The following NHSL1 variants were observed in gnomAD, a reference collection of about 807,000 sequenced individuals.
NHSL1 encodes the protein NHS like 1.
Under a neutral mutation model 95.0 loss-of-function variants are expected in NHSL1, and 48 were observed. The observed-to-expected ratio is 0.51, with a 90% CI of 0.40 to 0.64. The LOEUF (loss-of-function observed/expected upper bound fraction) is 0.64, where lower values mean the gene tolerates loss of function less well. Ranked by LOEUF, NHSL1 falls within the 30% of genes least tolerant of loss-of-function variation. The pLI is 0.00. For missense variants in NHSL1, 1,971 were observed against 2,077.7 expected (o/e 0.95, Z 1.00); for synonymous variants, 783 against 833.9 (o/e 0.94, Z 1.05).
intron 3 of NHSL1, among the ~76,000 whole-genome samples, chr6:138,465,407 A>C (rs1004175485): frequency 2.0e-5 from 3 of 152,154 alleles, no homozygotes; most frequent in Non-Finnish European, 4.4e-5. Context: ...CTTCCTCATC[A>C]TTCACACAAC....
chr6:138,551,733 G>A (rs1783010567), intron 1 of NHSL1, among the ~76,000 whole-genome samples: 1 of 152,086 alleles, frequency 6.6e-6, no homozygotes, highest in Non-Finnish European at 1.5e-5. Flanking sequence ...GGCTCACCAG[G>A]GAAACTGATT....
intron 1 of NHSL1, among the ~76,000 whole-genome samples, chr6:138,564,662 A>T (rs1020807162): frequency 6.6e-6 from 1 of 152,158 alleles, no homozygotes; most frequent in South Asian, 2.1e-4. Context: ...AAAAAAAAAA[A>T]AAATAAGATT....
chr6:138,442,159 C>T (rs1237731224), intron 4 of NHSL1, 45 bp from the exon 5 acceptor site: 2 of 1,481,644 alleles, frequency 1.3e-6, no homozygotes, highest in Admixed American at 5.0e-5. Flanking sequence ...TATTTTCAAG[C>T]AAGCTGACAC....
At chr6:138,674,040 A>G (rs867483179) in intron 1 of NHSL1, among the ~76,000 whole-genome samples, 1 of 152,370 alleles carries the variant, frequency 6.6e-6, no homozygotes, top group Middle Eastern at 3.4e-3. Flanking sequence ...ATGGGATTAC[A>G]GATACAAAGC....
intron 1 of NHSL1, among the ~76,000 whole-genome samples, chr6:138,630,688 G>A (rs1021650441): frequency 1.3e-5 from 2 of 152,128 alleles, no homozygotes; most frequent in African/African-American, 4.8e-5. Context: ...CCAGCCTTAA[G>A]TTTCCATTTT....
chr6:138,660,395 A>G (rs921001680), intron 1 of NHSL1, among the ~76,000 whole-genome samples: 1 of 152,178 alleles, frequency 6.6e-6, no homozygotes, highest in Non-Finnish European at 1.5e-5. Flanking sequence ...AGAACCATTT[A>G]TATAATAAAA....
In NHSL1 at chr6:138,692,181, C is replaced by A; in HGVS notation, c.96+295G>T. The A allele has an allele frequency of 2.2e-6, 1 of 456,746 alleles. No individual in the cohort carries two copies. Among genetic ancestry groups the A allele is most frequent in the Non-Finnish European group, 4.4e-6 (1 of 226,958 alleles). 28.3% of individuals were successfully genotyped at this position (456,746 alleles called of 1,614,324 possible). A position where few individuals can be genotyped will look rare whatever the true frequency, so the allele number is the denominator to read the frequency against. Reference sequence around the variant, plus strand: ...CTACAGCGCCCCGGGGTCTCCCAAACAGACAGACACAGACAGACAGAAGGA... The same window carrying A: ...CTACAGCGCCCCGGGGTCTCCCAAAAAGACAGACACAGACAGACAGAAGGA... On this transcript the variant is annotated intron_variant, in intron 1 of 3. Coordinates refer to the NHSL1 transcript ENST00000491526. This position sits in a 1 kb window ranked among gnomAD's most constrained non-coding sequence, Gnocchi z 4.0.
intron 1 of NHSL1, among the ~76,000 whole-genome samples, chr6:138,551,891 G>T (rs1439840757): frequency 6.6e-6 from 1 of 152,146 alleles, no homozygotes; most frequent in Non-Finnish European, 1.5e-5. Context: ...CCAGAGCCAG[G>T]CCTGACCTAC....
At chr6:138,599,935 A>G (rs1378537901) in intron 1 of NHSL1, among the ~76,000 whole-genome samples, 1 of 152,092 alleles carries the variant, frequency 6.6e-6, no homozygotes, top group East Asian at 1.9e-4. Flanking sequence ...TGAGGTCAGG[A>G]GTTCGAGACC....
intron 1 of NHSL1, among the ~76,000 whole-genome samples, chr6:138,659,175 G>A (rs1785194571): frequency 6.7e-6 from 1 of 150,316 alleles, no homozygotes; most frequent in African/African-American, 2.4e-5. Context: ...TTAGCCTCCT[G>A]AGACGCTGGG....
intron 3 of NHSL1, among the ~76,000 whole-genome samples, chr6:138,464,715 C>CTTTT (rs1157342436): frequency 2.5e-5 from 3 of 119,018 alleles, no homozygotes; most frequent in African/African-American, 1.0e-4. Flanking sequence ...TTTTTCTTTT[C>CTTTT]TTTTTTTTTT....
intron 3 of NHSL1, among the ~76,000 whole-genome samples, chr6:138,458,269 C>T (rs1329526001): frequency 6.6e-6 from 1 of 152,158 alleles, no homozygotes; most frequent in East Asian, 1.9e-4. Context: ...ATGGAGGAAT[C>T]CCTAACTCTA....
At chr6:138,474,045 A>T (rs987526615) in intron 2 of NHSL1, among the ~76,000 whole-genome samples, 8 of 152,190 alleles carry the variant, frequency 5.3e-5, no homozygotes, top group Non-Finnish European at 1.0e-4. Context: ...CCACAGAGGA[A>T]TGCGTGGCAC....
At chr6:138,585,251 A>ATTCCCATCAGGAAAATAT (rs1328094384) in intron 1 of NHSL1, among the ~76,000 whole-genome samples, 2 of 152,180 alleles carry the variant, frequency 1.3e-5, no homozygotes, top group African/African-American at 4.8e-5. Flanking sequence ...TGAGAGTCAG[A>ATTCCCATCAGGAAAATAT]TTCCCATCAG....
At chr6:138,468,352 G>C (rs543032012) in intron 3 of NHSL1, among the ~76,000 whole-genome samples, 116 of 152,306 alleles carry the variant, frequency 7.6e-4, no homozygotes, top group Non-Finnish European at 5.9e-5. Context: ...AGGAGCAACA[G>C]GCTATATACC....
intron 3 of NHSL1, among the ~76,000 whole-genome samples, chr6:138,465,570 A>C (rs757584987): frequency 6.6e-6 from 1 of 152,166 alleles, no homozygotes; most frequent in African/African-American, 2.4e-5. Flanking sequence ...CTGTATGCCA[A>C]ACACTTATAA....
At chr6:138,664,318 C>T (rs1240760740) in intron 1 of NHSL1, among the ~76,000 whole-genome samples, 2 of 152,214 alleles carry the variant, frequency 1.3e-5, no homozygotes, top group Admixed American at 6.5e-5. Flanking sequence ...CAAATTCTTA[C>T]GCGCCAAGTA....
At position 138,640,904 on chromosome 6, in the gene NHSL1, C is replaced by T. The variant is rs1462145850; in HGVS notation, c.96+51572G>A. 2.0e-5 allele frequency among the ~76,000 whole-genome samples: 3 copies of T among 152,216 alleles called. No homozygotes were observed. In the East Asian group the frequency reaches 5.8e-4, roughly 29 times the overall value. ...TACCAGACTGAATTCTCTCAACATA[C>T]ACAAATTGTCAGCTTTGCTGACATC... is the stretch of plus-strand genomic sequence containing the variant. On this transcript the variant is annotated intron_variant, in intron 1 of 3. Transcript: ENST00000491526.
In NHSL1 at chr6:138,458,317, C is replaced by T. The variant is rs118139652; in HGVS notation, c.340-11124G>A. Among the ~76,000 whole-genome samples, 663 of 152,300 alleles carry T rather than the reference C, an allele frequency of 4.4e-3. 10 individuals carry two copies. Among genetic ancestry groups the T allele is most frequent in the Admixed American group, 0.028 (436 of 15,300 alleles). On this transcript the variant is annotated intron_variant, in intron 3 of 7. Transcript: ENST00000343505. ...GGGTCAAGTCAGTTCTTCCTTACTG[C>T]TCTCTTGTTTTACAGCTTTCCTAGC...
Sources: allele counts gnomAD v4.1 joint callset (sites outside exome capture counted in the v4.1 genomes callset), GRCh38; gene constraint gnomAD v4.1.1; non-coding constraint Gnocchi (gnomAD v3.1); transcripts MANE v1.5; gene names NCBI Gene and HGNC (gene_info 2026-07-23, HGNC 2026-07-21).